QTMAN: variants seen among roughly 807,000 people sequenced by gnomAD.
QTMAN encodes the protein queuosine-tRNA mannosyltransferase.
chr2:144,055,040 T>C, the QTMAN span, among the ~76,000 whole-genome samples: 1 of 152,166 alleles, frequency 6.6e-6, no homozygotes, highest in Admixed American at 6.5e-5. Context: ...TTATGTTTGA[T>C]GCTCTGTAAC....
chr2:144,114,295 CT>C, the QTMAN span, among the ~76,000 whole-genome samples: 1 of 152,168 alleles, frequency 6.6e-6, no homozygotes, highest in African/African-American at 2.4e-5. Flanking sequence ...AGACACCATA[CT>C]TTTTTTCCGT....
the QTMAN span, among the ~76,000 whole-genome samples, chr2:144,309,547 CA>C: frequency 6.6e-6 from 1 of 152,110 alleles, no homozygotes; most frequent in African/African-American, 2.4e-5. Context: ...CTGGAGCAGG[CA>C]AAACGAATTC....
chr2:144,068,050 G>T, the QTMAN span, among the ~76,000 whole-genome samples: 2 of 152,174 alleles, frequency 1.3e-5, no homozygotes, highest in Non-Finnish European at 2.9e-5. Flanking sequence ...CTGGGAATAT[G>T]ATGGTCCCTT....
At chr2:144,172,339 G>A in the QTMAN span, among the ~76,000 whole-genome samples, 2,160 of 151,640 alleles carry the variant, frequency 0.014, 54 homozygotes, top group African/African-American at 0.05. Flanking sequence ...ATTTCTTAAG[G>A]GCCAGGCACG....
At chr2:143,952,010 G>C in the QTMAN span, 15 of 1,586,656 alleles carry the variant, frequency 9.5e-6, no homozygotes, top group Non-Finnish European at 1.3e-5. Context: ...TATAATATCT[G>C]GTCTCTTGCA....
At chr2:144,068,635 A>G in the QTMAN span, among the ~76,000 whole-genome samples, 3 of 152,244 alleles carry the variant, frequency 2.0e-5, no homozygotes, top group South Asian at 6.2e-4. Context: ...AAGTGTGAAA[A>G]CAAACAATCT....
chr2:144,064,636 T>G, the QTMAN span, among the ~76,000 whole-genome samples: 20 of 152,256 alleles, frequency 1.3e-4, 1 homozygote, highest in South Asian at 1.2e-3. Context: ...TAGGGAATGC[T>G]CACAGCAATG....
the QTMAN span, among the ~76,000 whole-genome samples, chr2:144,133,240 TATATAA>T: frequency 1.4e-4 from 7 of 51,824 alleles, no homozygotes; most frequent in African/African-American, 1.0e-3. Flanking sequence ...TTTATATTTA[TATATAA>T]ATATATATAA....
At chr2:144,057,229 A>T in the QTMAN span, among the ~76,000 whole-genome samples, 1 of 152,368 alleles carries the variant, frequency 6.6e-6, no homozygotes, top group East Asian at 1.9e-4. Context: ...AGACAATAAT[A>T]AATTATAAAA....
the QTMAN span, among the ~76,000 whole-genome samples, chr2:144,000,409 C>T: frequency 2.0e-5 from 3 of 151,930 alleles, no homozygotes; most frequent in Non-Finnish European, 4.4e-5. Context: ...TCCCCAAACA[C>T]TCTAGGCATG....
the QTMAN span, among the ~76,000 whole-genome samples, chr2:143,988,386 G>A: frequency 1.3e-5 from 2 of 152,164 alleles, no homozygotes; most frequent in East Asian, 1.9e-4. Context: ...ATTCTTTTTA[G>A]AGGATACCAA....
chr2:144,005,250 CTCTTTT>C, the QTMAN span, among the ~76,000 whole-genome samples: 1 of 152,000 alleles, frequency 6.6e-6, no homozygotes, highest in Non-Finnish European at 1.5e-5. Context: ...CTTTTCTTTT[CTCTTTT>C]TCTTACTCTT....
chr2:144,228,428 C>T, the QTMAN span, among the ~76,000 whole-genome samples: 1 of 152,076 alleles, frequency 6.6e-6, no homozygotes, highest in African/African-American at 2.4e-5. Flanking sequence ...ATAGTTATTA[C>T]AAGATTTTTA....
At chr2:144,106,929 A>C in the QTMAN span, among the ~76,000 whole-genome samples, 2 of 152,346 alleles carry the variant, frequency 1.3e-5, no homozygotes, top group East Asian at 1.9e-4. Context: ...GTGCAATCAA[A>C]CTAGAAATCA....
chr2:144,206,098 A>T, the QTMAN span, among the ~76,000 whole-genome samples: 5 of 152,354 alleles, frequency 3.3e-5, no homozygotes, highest in South Asian at 1.0e-3. Context: ...AATACTTTTC[A>T]GAGAGTAAGC....
the QTMAN span, among the ~76,000 whole-genome samples, chr2:144,064,954 G>A: frequency 6.6e-6 from 1 of 152,138 alleles, no homozygotes; most frequent in African/African-American, 2.4e-5. Context: ...GGAGGAGAGG[G>A]GGGCAGAGTC....
chr2:144,246,572 T>C, the QTMAN span, among the ~76,000 whole-genome samples: 1 of 103,364 alleles, frequency 9.7e-6, no homozygotes. Flanking sequence ...AGAGCGAGAC[T>C]CCGTCTCAAA....
At chr2:144,146,976 C>T in the QTMAN span, among the ~76,000 whole-genome samples, 2 of 151,768 alleles carry the variant, frequency 1.3e-5, no homozygotes, top group South Asian at 2.1e-4. Context: ...ATTGCAAGTG[C>T]TTTTTTCTGT....
At chr2:144,146,196 A>AT in the QTMAN span, among the ~76,000 whole-genome samples, 4 of 148,908 alleles carry the variant, frequency 2.7e-5, no homozygotes, top group South Asian at 8.7e-4. Flanking sequence ...ATGTTATGAC[A>AT]TAAACTCTTT....
Sources: gnomAD v4.1 joint callset for allele counts (sites outside exome capture counted in the v4.1 genomes callset) on GRCh38, gnomAD v4.1.1 for gene constraint, MANE v1.5 for transcripts, NCBI Gene and HGNC (gene_info 2026-07-23, HGNC 2026-07-21) for gene names.